The following PCDHA1 variants were observed in gnomAD, a reference collection of about 807,000 sequenced individuals.
The protein encoded by PCDHA1 is protocadherin alpha 1.
PCDHA1 carries 42 observed loss-of-function variants against 61.3 expected under a neutral mutation model. The observed-to-expected ratio is 0.69, with a 90% CI of 0.54 to 0.89. The LOEUF is 0.89. PCDHA1 is among the 40% of genes least tolerant of loss of function. PCDHA1 has a pLI of 0.00. For synonymous variants in PCDHA1, 610 were observed against 553.8 expected, an observed-to-expected ratio of 1.10 and a Z score of -1.43; for missense variants, 1,256 against 1,235.3, an observed-to-expected ratio of 1.02 and a Z score of -0.25.
At chr5:140,850,669 C>A in intron 1 of PCDHA1, 1 of 1,598,502 alleles carries the variant, frequency 6.3e-7, no homozygotes, top group South Asian at 1.1e-5. Flanking sequence ...CGGTGCTCGG[C>A]GATGCCCACC....
intron 1 of PCDHA1, among the ~76,000 whole-genome samples, chr5:140,879,380 T>C (rs1213546230): frequency 6.6e-6 from 1 of 152,106 alleles, no homozygotes; most frequent in Admixed American, 6.5e-5. Flanking sequence ...CAGAACAAGG[T>C]TGGAGAAACA....
rs2150437500 is a variant in PCDHA1, at chr5:140,849,439, C to A, written c.2394+60755C>A. ...CATATGGATTTTGAAGAAAGTAGAG[C>A]ACACAAGATCCCAGTCGAGGCTGTC... On this transcript the variant is annotated intron_variant, in intron 1 of 3. Transcript: ENST00000504120. 1.5e-5 allele frequency: 23 copies of A among 1,582,476 alleles called. 2 individuals carry two copies. In the African/African-American group the frequency reaches 2.8e-4, roughly 19 times the overall value.
intron 1 of PCDHA1, chr5:140,815,490 TTA>T (rs1226346416): frequency 6.6e-6 from 1 of 151,982 alleles, no homozygotes; most frequent in East Asian, 1.9e-4. Flanking sequence ...TACCCAAATT[TTA>T]TGTTATTGAT....
At chr5:140,804,752 C>T (rs1763454242) in intron 1 of PCDHA1, 1 of 225,414 alleles carries the variant, frequency 4.4e-6, no homozygotes, top group Non-Finnish European at 8.6e-6. Context: ...GTTATCTCCT[C>T]TAGCAATTAG....
chr5:140,800,952 A>T, intron 1 of PCDHA1: 1 of 1,119,456 alleles, frequency 8.9e-7, no homozygotes, highest in South Asian at 2.8e-5. Flanking sequence ...CAAACGACAT[A>T]CAAGGAAAAG....
At chr5:140,876,315 C>G (rs2056279391) in intron 1 of PCDHA1, 1 of 1,613,840 alleles carries the variant, frequency 6.2e-7, no homozygotes, top group African/African-American at 1.3e-5. Flanking sequence ...CCTATGGGAT[C>G]AAAATGATTT....
chr5:140,974,309 TGA>T (rs1190034770), intron 1 of PCDHA1, among the ~76,000 whole-genome samples: 4 of 152,212 alleles, frequency 2.6e-5, no homozygotes, highest in South Asian at 4.1e-4. Context: ...CAACTGTGAG[TGA>T]GAGAGTAGCT....
At chr5:140,831,569 C>T (rs2150196333) in intron 1 of PCDHA1, among the ~76,000 whole-genome samples, 8,259 of 146,924 alleles carry the variant, frequency 0.056, 800 homozygotes, top group African/African-American at 0.2. Context: ...CTCCATGTTG[C>T]CCAGGCTGGT....
intron 1 of PCDHA1, chr5:140,967,458 A>T (rs1042156831): frequency 6.2e-7 from 1 of 1,613,546 alleles, no homozygotes; most frequent in Non-Finnish European, 8.5e-7. Flanking sequence ...ACAGCCGTGG[A>T]TGGGGGCATC....
intron 1 of PCDHA1, among the ~76,000 whole-genome samples, chr5:140,891,677 TTCTC>T (rs1335607297): frequency 2.6e-5 from 4 of 152,240 alleles, no homozygotes; most frequent in African/African-American, 9.6e-5. Context: ...AGTTTAATAA[TTCTC>T]TCTTCTTGCT....
At chr5:140,864,895 G>T (rs1212830646) in intron 1 of PCDHA1, 1 of 152,160 alleles carries the variant, frequency 6.6e-6, no homozygotes, top group African/African-American at 2.4e-5. Context: ...AAGCTGCATG[G>T]TCTTCAGAAT....
chr5:140,883,581 C>A, intron 1 of PCDHA1: 2 of 1,614,018 alleles, frequency 1.2e-6, no homozygotes, highest in Non-Finnish European at 1.7e-6. Flanking sequence ...CTGTGGGCCA[C>A]GGCCAGCGTG....
intron 1 of PCDHA1, chr5:140,875,290 A>AT (rs1231810985): frequency 7.9e-6 from 11 of 1,396,906 alleles, no homozygotes; most frequent in Non-Finnish European, 1.0e-5. Context: ...AAACAGGAAA[A>AT]TTTTTTTCTC....
intron 1 of PCDHA1, chr5:140,883,880 C>G: frequency 1.2e-6 from 2 of 1,613,304 alleles, no homozygotes; most frequent in Non-Finnish European, 1.7e-6. Context: ...GGTGAGCGCG[C>G]GCGACTCTGG....
At chr5:140,966,836 C>T in intron 1 of PCDHA1, 1 of 1,565,250 alleles carries the variant, frequency 6.4e-7, no homozygotes, top group Non-Finnish European at 8.6e-7. Context: ...GCCCTGGCTG[C>T]TGCTACTGCC....
chr5:140,876,031 G>T (rs1554168208), intron 1 of PCDHA1: 1 of 1,613,702 alleles, frequency 6.2e-7, no homozygotes. Flanking sequence ...AACAAAAAAA[G>T]ATAAAAGTAT....
chr5:140,786,608 GGA>G lies in PCDHA1; in HGVS notation c.320_321del (p.Glu107ValfsTer20), dbSNP rs781838521. On this transcript the variant is annotated frameshift_variant, in exon 1 of 4. Transcript: ENST00000504120. LOFTEE classifies it high-confidence loss of function. ...QWSAECSIHL[E>X]LIADRPLQVF... ...GGAGCGCGGAGTGCAGCATCCACCT[GGA>G]GTTGATCGCCGACAGGCCGCTGCAG... 1 of 1,614,260 alleles carries G rather than the reference GGA, an allele frequency of 6.2e-7. No homozygotes were observed. The highest frequency in any genetic ancestry group is 2.2e-5 in the East Asian group (1 of 44,890).
At chr5:140,796,706 T>C in intron 1 of PCDHA1, 1 of 1,613,978 alleles carries the variant, frequency 6.2e-7, no homozygotes, top group Non-Finnish European at 8.5e-7. Flanking sequence ...AGTGAGCTGG[T>C]GCCGTGGTCG....
At chr5:140,870,999 A>G (rs782562142) in intron 1 of PCDHA1, 2 of 1,613,456 alleles carry the variant, frequency 1.2e-6, no homozygotes, top group Admixed American at 3.3e-5. Flanking sequence ...AGATAAGCAC[A>G]ACGCGTGCCC....
Sources: allele counts gnomAD v4.1 joint callset (sites outside exome capture counted in the v4.1 genomes callset), GRCh38; gene constraint gnomAD v4.1.1; transcripts MANE v1.5; gene names NCBI Gene and HGNC (gene_info 2026-07-23, HGNC 2026-07-21).